Variants in DCLK2 observed in about 807,000 individuals in gnomAD.
The protein encoded by DCLK2 is doublecortin like kinase 2, also known as serine/threonine-protein kinase DCLK2.
DCLK2 carries 31 observed loss-of-function variants against 78.4 expected under a neutral mutation model. The observed-to-expected ratio is 0.40, with a 90% CI of 0.30 to 0.53. DCLK2 has a LOEUF of 0.53. Ranked by LOEUF, DCLK2 falls within the 20% of genes least tolerant of loss-of-function variation. The pLI is 0.61. For missense variants in DCLK2, 872 were observed against 973.7 expected (o/e 0.90, Z 1.39); for synonymous variants, 407 against 374.9 (o/e 1.09, Z -0.99).
chr4:150,250,711 C>G (rs1238826248), intron 15 of DCLK2, among the ~76,000 whole-genome samples: 1 of 151,748 alleles, frequency 6.6e-6, no homozygotes, highest in East Asian at 1.9e-4. Context: ...GCCTCTCATC[C>G]TCTGGGAAGG....
At chr4:150,135,913 T>TGG (rs1733654677) in intron 2 of DCLK2, among the ~76,000 whole-genome samples, 1 of 152,220 alleles carries the variant, frequency 6.6e-6, no homozygotes, top group Non-Finnish European at 1.5e-5. Flanking sequence ...ATGGAAACCA[T>TGG]GGACTTATTA....
intron 10 of DCLK2, among the ~76,000 whole-genome samples, chr4:150,233,692 A>G (rs939310386): frequency 2.0e-5 from 3 of 152,166 alleles, no homozygotes; most frequent in Admixed American, 2.0e-4. Context: ...AAAAAGTCTT[A>G]TTCCACTATG....
At chr4:150,255,780 T>G (rs935188196) in intron 15 of DCLK2, among the ~76,000 whole-genome samples, 1 of 152,106 alleles carries the variant, frequency 6.6e-6, no homozygotes, top group Non-Finnish European at 1.5e-5. Context: ...ACGACAGACA[T>G]CCAGTGTGTC....
intron 2 of DCLK2, among the ~76,000 whole-genome samples, chr4:150,189,280 C>A (rs13125688): frequency 1.3e-5 from 2 of 151,842 alleles, no homozygotes; most frequent in African/African-American, 2.4e-5. Context: ...ATTTAAGAAC[C>A]ATTTATTGAA....
chr4:150,154,501 T>C (rs1335801718), intron 2 of DCLK2, among the ~76,000 whole-genome samples: 1 of 152,234 alleles, frequency 6.6e-6, no homozygotes, highest in Non-Finnish European at 1.5e-5. Flanking sequence ...ACACTTCATT[T>C]TATAAAGATT....
intron 2 of DCLK2, among the ~76,000 whole-genome samples, chr4:150,167,216 G>A (rs982731205): frequency 1.3e-5 from 2 of 152,232 alleles, no homozygotes; most frequent in Non-Finnish European, 2.9e-5. Context: ...CATCTCGGAA[G>A]CCTGGCAGCA....
intron 2 of DCLK2, among the ~76,000 whole-genome samples, chr4:150,169,854 C>T (rs1362068071): frequency 2.0e-5 from 3 of 152,110 alleles, no homozygotes; most frequent in Non-Finnish European, 4.4e-5. Flanking sequence ...GTATACAGTA[C>T]ACCTAAGTTA....
intron 2 of DCLK2, among the ~76,000 whole-genome samples, chr4:150,104,669 G>A (rs954126710): frequency 1.7e-4 from 26 of 151,902 alleles, no homozygotes; most frequent in African/African-American, 1.4e-4. Context: ...AAGCACAATA[G>A]CACATATTCA....
intron 2 of DCLK2, among the ~76,000 whole-genome samples, chr4:150,186,447 C>A (rs926455842): frequency 6.6e-6 from 1 of 152,084 alleles, no homozygotes; most frequent in African/African-American, 2.4e-5. Flanking sequence ...CCTTTATTCC[C>A]ATAATAGTCA....
At chr4:150,204,552 A>G (rs1337996941) in intron 5 of DCLK2, among the ~76,000 whole-genome samples, 1 of 152,192 alleles carries the variant, frequency 6.6e-6, no homozygotes, top group Non-Finnish European at 1.5e-5. Flanking sequence ...TAAATTTAGA[A>G]GAGAAAATTT....
At chr4:150,253,415 G>C in intron 15 of DCLK2, 1 of 1,286,070 alleles carries the variant, frequency 7.8e-7, no homozygotes. Context: ...GCTAGAAATT[G>C]GTCCATAAAG....
chr4:150,116,689 T>C (rs1177613460), intron 2 of DCLK2, among the ~76,000 whole-genome samples: 1 of 152,192 alleles, frequency 6.6e-6, no homozygotes, highest in East Asian at 1.9e-4. Context: ...GATTCCTTGG[T>C]TATAAATAGC....
At chr4:150,154,030 A>G (rs1368678131) in intron 2 of DCLK2, among the ~76,000 whole-genome samples, 3 of 152,168 alleles carry the variant, frequency 2.0e-5, no homozygotes, top group African/African-American at 7.2e-5. Context: ...TGGAAACTTG[A>G]TGCTCTACTG....
chr4:150,167,516 C>A (rs77405302), intron 2 of DCLK2, among the ~76,000 whole-genome samples: 1,993 of 152,058 alleles, frequency 0.013, 47 homozygotes, highest in African/African-American at 0.046. Context: ...CCACACCTAC[C>A]GGCAAAAAAG....
intron 2 of DCLK2, among the ~76,000 whole-genome samples, chr4:150,161,151 A>T (rs1157989842): frequency 6.6e-6 from 1 of 152,240 alleles, no homozygotes; most frequent in Non-Finnish European, 1.5e-5. Context: ...CAATGAAGAT[A>T]TAGAAAACTT....
chr4:150,138,813 C>G (rs960674691), intron 2 of DCLK2, among the ~76,000 whole-genome samples: 5 of 151,982 alleles, frequency 3.3e-5, no homozygotes, highest in Admixed American at 1.3e-4. Flanking sequence ...CTACAGGCGC[C>G]TGCCACCATG....
At chr4:150,090,988 T>C (rs1730018694) in intron 1 of DCLK2, among the ~76,000 whole-genome samples, 1 of 152,218 alleles carries the variant, frequency 6.6e-6, no homozygotes, top group South Asian at 2.1e-4. Context: ...GGGAACAGCA[T>C]CTGGGCCAGA....
intron 2 of DCLK2, among the ~76,000 whole-genome samples, chr4:150,181,153 G>A (rs951146608): frequency 2.5e-4 from 38 of 152,166 alleles, no homozygotes; most frequent in African/African-American, 8.4e-4. Flanking sequence ...GGCTTGTCAT[G>A]TAAAAAAATT....
chr4:150,154,324 G>T (rs1464795014), intron 2 of DCLK2, among the ~76,000 whole-genome samples: 1 of 152,114 alleles, frequency 6.6e-6, no homozygotes, highest in Admixed American at 6.6e-5. Flanking sequence ...ATCCCTTCAC[G>T]TCAACAGCAT....
Sources: gnomAD v4.1 joint callset for allele counts (sites outside exome capture counted in the v4.1 genomes callset) on GRCh38, gnomAD v4.1.1 for gene constraint, MANE v1.5 for transcripts, NCBI Gene and HGNC (gene_info 2026-07-23, HGNC 2026-07-21) for gene names.